EFCAB6: variants seen among roughly 807,000 people sequenced by gnomAD.
EFCAB6 encodes the protein EF-hand calcium binding domain 6.
EFCAB6 carries 156 observed loss-of-function variants against 169.8 expected under a neutral mutation model. That is an observed-to-expected ratio of 0.92 (90% CI 0.81 to 1.05). EFCAB6 has a LOEUF of 1.05. Ranked by LOEUF, EFCAB6 falls within the 50% of genes least tolerant of loss-of-function variation. The pLI is 0.00. For missense variants in EFCAB6, 1,800 were observed against 1,829.1 expected (o/e 0.98, Z 0.29); for synonymous variants, 698 against 676.4 (o/e 1.03, Z -0.50).
At chr22:43,721,825 C>T (rs1434178176) in intron 8 of EFCAB6, among the ~76,000 whole-genome samples, 1 of 152,124 alleles carries the variant, frequency 6.6e-6, no homozygotes, top group African/African-American at 2.4e-5. Context: ...TTCTCAACAT[C>T]AGCCTTGGCA....
rs961374326 is a variant in EFCAB6, at chr22:43,572,347, G to A, written c.3420+3950C>T. 2.6e-5 allele frequency among the ~76,000 whole-genome samples: 4 copies of A among 152,134 alleles called. No homozygotes were observed. The highest frequency in any genetic ancestry group is 2.1e-4 in the South Asian group (1 of 4,822). On this transcript the variant is annotated intron_variant, in intron 26 of 31. Coordinates refer to ENST00000262726, the MANE Select transcript of EFCAB6 (RefSeq NM_022785.4). The surrounding 1 kb of genome is among the most constrained non-coding windows in gnomAD (Gnocchi z 4.0). The stretch of plus-strand genomic sequence containing the variant: ...GATCAGCAGAGGCTCCTTGTGACTC[G>A]TGCATGAGGACACTCAGGCCTCGCT...
At chr22:43,601,078 C>T (rs2052486559) in intron 22 of EFCAB6, among the ~76,000 whole-genome samples, 1 of 152,210 alleles carries the variant, frequency 6.6e-6, no homozygotes, top group Admixed American at 6.5e-5. Flanking sequence ...GTGAATGTCA[C>T]TTGATTCAAA....
intron 21 of EFCAB6, among the ~76,000 whole-genome samples, chr22:43,609,487 G>A (rs912381398): frequency 6.6e-6 from 1 of 152,070 alleles, no homozygotes; most frequent in Non-Finnish European, 1.5e-5. Flanking sequence ...TATGTCAACA[G>A]GCAAAATCAA....
At chr22:43,594,426 T>C (rs146841874) in intron 23 of EFCAB6, among the ~76,000 whole-genome samples, 1,857 of 152,016 alleles carry the variant, frequency 0.012, 28 homozygotes, top group Non-Finnish European at 0.018. Context: ...CACATATAGA[T>C]TGAAAGTAAA....
chr22:43,574,661 A>G (rs2050122725), intron 26 of EFCAB6, among the ~76,000 whole-genome samples: 1 of 151,538 alleles, frequency 6.6e-6, no homozygotes, highest in Non-Finnish European at 1.5e-5. Context: ...AAAAAAAACC[A>G]TAATCATAAA....
At chr22:43,597,545 A>C (rs751286962) in intron 23 of EFCAB6, among the ~76,000 whole-genome samples, 1 of 152,244 alleles carries the variant, frequency 6.6e-6, no homozygotes, top group African/African-American at 2.4e-5. Context: ...CCACAATGAG[A>C]TATCATCTCA....
At chr22:43,580,778 C>T in intron 24 of EFCAB6, 119 bp from the exon 25 acceptor site, 2 of 1,099,348 alleles carry the variant, frequency 1.8e-6, no homozygotes, top group Non-Finnish European at 2.6e-6. Context: ...TTTAAGACAC[C>T]ATTCCCTTCG....
intron 22 of EFCAB6, among the ~76,000 whole-genome samples, chr22:43,605,067 C>T (rs1447242188): frequency 6.6e-6 from 1 of 152,164 alleles, no homozygotes; most frequent in Non-Finnish European, 1.5e-5. Context: ...CAAGCCCTCC[C>T]CAAGGAGGTG....
At chr22:43,573,185 A>G (rs140403238) in intron 26 of EFCAB6, among the ~76,000 whole-genome samples, 3 of 152,364 alleles carry the variant, frequency 2.0e-5, no homozygotes, top group Non-Finnish European at 4.4e-5. Flanking sequence ...GCAGCTGAAG[A>G]AACAGCAAAA....
Position 43,667,177 on chromosome 22 carries a change from G to C in EFCAB6, c.1910C>G (p.Pro637Arg). 1 of 1,613,868 alleles carries C rather than the reference G, an allele frequency of 6.2e-7. No individual in the cohort carries two copies. The highest frequency in any genetic ancestry group is 8.5e-7 in the Non-Finnish European group (1 of 1,179,934). ...GTCAAGAAATCGTTTTTTGAATGCC[G>C]GGTCCTGCTGCTGTATACACTTTTT... ...KFKKCIQQQD[P>R]AFKKRFLDFS... The change falls in exon 17 of 32, where the codon CCG (proline) becomes CGG (arginine). Residue 637 changes from proline to arginine, a missense_variant. Physicochemically the swap from Pro to Arg is moderately radical, Grantham distance 103. Coordinates refer to ENST00000262726, the MANE Select transcript of EFCAB6 (RefSeq NM_022785.4).
At chr22:43,680,895 T>C (rs2057979585) in intron 12 of EFCAB6, among the ~76,000 whole-genome samples, 2 of 152,240 alleles carry the variant, frequency 1.3e-5, no homozygotes, top group Non-Finnish European at 2.9e-5. Context: ...CACAAGATTG[T>C]ATCGTCTGTG....
chr22:43,572,550 C>T lies in EFCAB6; in HGVS notation c.3420+3747G>A, dbSNP rs905076237. On this transcript the variant is annotated intron_variant, in intron 26 of 31. Coordinates refer to ENST00000262726, the MANE Select transcript of EFCAB6 (RefSeq NM_022785.4). The surrounding 1 kb of genome is among the most constrained non-coding windows in gnomAD (Gnocchi z 4.0). ...GCCGCCTGGCTCCTTCGCTCCCTGG[C>T]CCCATCTCCTTAGACCTCTCCTTCA... 6.6e-6 allele frequency among the ~76,000 whole-genome samples: 1 copy of T among 152,214 alleles called. No homozygotes were observed. Among genetic ancestry groups the T allele is most frequent in the African/African-American group, 2.4e-5 (1 of 41,452 alleles).
At chr22:43,777,261 T>A (rs2061670304) in intron 3 of EFCAB6, among the ~76,000 whole-genome samples, 1 of 152,178 alleles carries the variant, frequency 6.6e-6, no homozygotes, top group South Asian at 2.1e-4. Context: ...GCCGGTTAGA[T>A]GCGGTGCACG....
intron 27 of EFCAB6, among the ~76,000 whole-genome samples, chr22:43,544,970 AAAAAT>A (rs2047965057): frequency 8.2e-6 from 1 of 122,694 alleles, no homozygotes; most frequent in Non-Finnish European, 1.7e-5. Context: ...AAAATACAGA[AAAAAT>A]AAAATAAAAA....
intron 10 of EFCAB6, among the ~76,000 whole-genome samples, chr22:43,699,596 T>C (rs957620637): frequency 6.6e-6 from 1 of 152,194 alleles, no homozygotes; most frequent in Admixed American, 6.5e-5. Context: ...AAGAAGACCA[T>C]GATAAGCATA....
At chr22:43,646,734 A>G (rs2056182854) in intron 17 of EFCAB6, among the ~76,000 whole-genome samples, 1 of 152,252 alleles carries the variant, frequency 6.6e-6, no homozygotes, top group Non-Finnish European at 1.5e-5. Context: ...GTTCAGGCTA[A>G]CTAAAATCAA....
At position 43,687,645 on chromosome 22, in the gene EFCAB6, T is replaced by C. The variant is rs533543117; in HGVS notation, c.1032-64A>G. On this transcript the variant is annotated intron_variant, in intron 10 of 31. Transcript: ENST00000262726. ...CATTTTTTCTATAACACTGCATGGATTAGGTACTTAATGTTGAATTGAAAA... is the reference window on the plus strand; with the variant it reads ...CATTTTTTCTATAACACTGCATGGACTAGGTACTTAATGTTGAATTGAAAA... 4.2e-3 allele frequency: 3,772 copies of C among 908,052 alleles called. 17 individuals carry two copies. Among genetic ancestry groups the C allele is most frequent in the Middle Eastern group, 0.029 (95 of 3,264 alleles). The allele number at this position is 908,052 out of a possible 1,614,324, so 56.2% of individuals were successfully genotyped here.
chr22:43,677,128 AT>A (rs2057793650), intron 13 of EFCAB6, among the ~76,000 whole-genome samples: 1 of 152,244 alleles, frequency 6.6e-6, no homozygotes, highest in South Asian at 2.1e-4. Context: ...TCTGAAATTG[AT>A]AAAGTTCTTA....
Position 43,572,926 on chromosome 22 carries a change from G to A in EFCAB6, c.3420+3371C>T, listed in dbSNP as rs1434951211. ...GAGAGAGTGAATGAACCCACACGATGGAATGGCACATGCTAGATGGAATCC... is the reference window on the plus strand; with the variant it reads ...GAGAGAGTGAATGAACCCACACGATAGAATGGCACATGCTAGATGGAATCC... On this transcript the variant is annotated intron_variant, in intron 26 of 31. Coordinates refer to ENST00000262726, the MANE Select transcript of EFCAB6 (RefSeq NM_022785.4). The surrounding 1 kb of genome is among the most constrained non-coding windows in gnomAD (Gnocchi z 4.0). Among the ~76,000 whole-genome samples, 1 of 152,212 alleles carries A rather than the reference G, an allele frequency of 6.6e-6. No individual in the cohort carries two copies. The highest frequency in any genetic ancestry group is 1.5e-5 in the Non-Finnish European group (1 of 68,046).
Sources: gnomAD v4.1 joint callset for allele counts (sites outside exome capture counted in the v4.1 genomes callset) on GRCh38, gnomAD v4.1.1 for gene constraint, Gnocchi (gnomAD v3.1) non-coding constraint, MANE v1.5 for transcripts, NCBI Gene and HGNC (gene_info 2026-07-23, HGNC 2026-07-21) for gene names.